The following SIPA1L2 variants were observed in gnomAD, a reference collection of about 807,000 sequenced individuals.
SIPA1L2 encodes the protein signal-induced proliferation-associated 1-like protein 2.
In SIPA1L2, 56 loss-of-function variants were observed where a neutral mutation model predicts 163.9. That is an observed-to-expected ratio of 0.34 (90% CI 0.28 to 0.43). The LOEUF (loss-of-function observed/expected upper bound fraction) is 0.43. SIPA1L2 is among the 20% of genes least tolerant of loss of function. SIPA1L2 has a pLI of 1.00. For synonymous variants in SIPA1L2, 877 were observed against 865.7 expected (o/e 1.01, Z -0.23); for missense variants, 1,974 against 2,193.5 (o/e 0.90, Z 2.00).
At chr1:232,622,030 A>G (rs1302993838) in intron 1 of SIPA1L2, among the ~76,000 whole-genome samples, 1 of 152,230 alleles carries the variant, frequency 6.6e-6, no homozygotes, top group Non-Finnish European at 1.5e-5. Context: ...GCCCAAATTA[A>G]AACATTTTAA....
intron 2 of SIPA1L2, among the ~76,000 whole-genome samples, chr1:232,520,961 A>G (rs1238391960): frequency 6.6e-6 from 1 of 152,250 alleles, no homozygotes; most frequent in Non-Finnish European, 1.5e-5. Context: ...CGAAAATCAA[A>G]GCTATAAGAC....
chr1:232,451,514 C>G (rs1663572898), intron 10 of SIPA1L2, among the ~76,000 whole-genome samples: 1 of 152,150 alleles, frequency 6.6e-6, no homozygotes, highest in African/African-American at 2.4e-5. Flanking sequence ...AAAAACCTAG[C>G]ACAAAAAGAC....
chr1:232,434,522 TG>T (rs1405250821), intron 15 of SIPA1L2, among the ~76,000 whole-genome samples: 1 of 151,942 alleles, frequency 6.6e-6, no homozygotes, highest in Non-Finnish European at 1.5e-5. Context: ...TCCACACACA[TG>T]GAACACCAGG....
intron 2 of SIPA1L2, among the ~76,000 whole-genome samples, chr1:232,532,260 C>T (rs895968513): frequency 1.2e-4 from 19 of 152,022 alleles, no homozygotes; most frequent in African/African-American, 4.3e-4. Context: ...AGCAGGAGAA[C>T]AAGAAAAGTC....
intron 6 of SIPA1L2, among the ~76,000 whole-genome samples, chr1:232,482,918 G>A (rs1174388724): frequency 2.6e-5 from 4 of 152,188 alleles, no homozygotes; most frequent in African/African-American, 4.8e-5. Flanking sequence ...GATCCTCCAA[G>A]TTTAGACTAT....
intron 2 of SIPA1L2, among the ~76,000 whole-genome samples, chr1:232,553,844 G>A (rs1195041088): frequency 6.6e-6 from 1 of 152,120 alleles, no homozygotes; most frequent in Non-Finnish European, 1.5e-5. Context: ...TTACAGAGGT[G>A]AGCCATCTGT....
chr1:232,524,102 T>C (rs1667579310), intron 2 of SIPA1L2, among the ~76,000 whole-genome samples: 1 of 152,184 alleles, frequency 6.6e-6, no homozygotes, highest in South Asian at 2.1e-4. Flanking sequence ...TTTTATGTGG[T>C]TTATTGTCTG....
Position 232,445,649 on chromosome 1 carries a change from G to C in SIPA1L2, c.3233C>G (p.Ser1078Cys). 6.2e-7 allele frequency: 1 copy of C among 1,613,870 alleles called. No individual in the cohort carries two copies. The highest frequency in any genetic ancestry group is 8.5e-7 in the Non-Finnish European group (1 of 1,179,940). ...RVPTPALQPL[S>C]RASPIPGTPD... is the part of the protein sequence containing the mutation. Reference sequence around the variant, plus strand: ...CGTGCCGGGGATGGGGGAAGCTCTAGAGAGGGGCTGCAGGGCAGGAGTGGG... The same window carrying C: ...CGTGCCGGGGATGGGGGAAGCTCTACAGAGGGGCTGCAGGGCAGGAGTGGG... Residue 1078 changes from serine to cysteine, a missense_variant, in exon 11 of 23, where the codon TCT (serine) becomes TGT (cysteine). This residue lies in a region of SIPA1L2 where 1,079 missense variants were observed against 1,150.7 expected (regional missense o/e 0.94). Coordinates refer to ENST00000674635, the MANE Select transcript of SIPA1L2 (RefSeq NM_020808.5).
chr1:232,546,508 G>T (rs774729330), intron 2 of SIPA1L2, among the ~76,000 whole-genome samples: 11 of 152,190 alleles, frequency 7.2e-5, no homozygotes, highest in Non-Finnish European at 1.5e-4. Flanking sequence ...GGCATACAGG[G>T]TATCAGACAA....
intron 15 of SIPA1L2, among the ~76,000 whole-genome samples, chr1:232,437,993 T>C (rs989421704): frequency 1.3e-5 from 2 of 152,042 alleles, no homozygotes; most frequent in Non-Finnish European, 2.9e-5. Context: ...CTTGAAGTGC[T>C]AGACTTGTTG....
chr1:232,508,264 C>T (rs771689931), intron 3 of SIPA1L2, among the ~76,000 whole-genome samples: 1 of 152,194 alleles, frequency 6.6e-6, no homozygotes, highest in Non-Finnish European at 1.5e-5. Flanking sequence ...TTTAACCTCT[C>T]TTTACCCAAA....
At chr1:232,424,645 C>CT (rs1368740106) in intron 18 of SIPA1L2, among the ~76,000 whole-genome samples, 1 of 152,066 alleles carries the variant, frequency 6.6e-6, no homozygotes. Flanking sequence ...TAAATGGACT[C>CT]TTTATAACAG....
intron 2 of SIPA1L2, among the ~76,000 whole-genome samples, chr1:232,518,996 A>C (rs1169031819): frequency 5.9e-5 from 9 of 151,500 alleles, no homozygotes; most frequent in African/African-American, 2.2e-4. Flanking sequence ...CATTTGATAT[A>C]ACTTTGTAGA....
intron 1 of SIPA1L2, among the ~76,000 whole-genome samples, chr1:232,581,038 A>G (rs1660343858): frequency 6.6e-6 from 1 of 152,072 alleles, no homozygotes; most frequent in Non-Finnish European, 1.5e-5. Context: ...ATCCTTCCTG[A>G]CAAATCTCCT....
At chr1:232,412,179 T>TAAA in intron 19 of SIPA1L2, among the ~76,000 whole-genome samples, 1 of 152,206 alleles carries the variant, frequency 6.6e-6, no homozygotes, top group South Asian at 2.1e-4. Flanking sequence ...CTTTAGCCCT[T>TAAA]AAATGAAGGT....
At chr1:232,541,852 T>C (rs61825382) in intron 2 of SIPA1L2, among the ~76,000 whole-genome samples, 1 of 41,680 alleles carries the variant, frequency 2.4e-5, no homozygotes, top group Non-Finnish European at 4.3e-5. Flanking sequence ...ATCCTACAGA[T>C]TTAAAAAAAA....
At chr1:232,608,067 A>AAAAAAAAAAAAAG (rs1662051555) in intron 1 of SIPA1L2, among the ~76,000 whole-genome samples, 1 of 149,376 alleles carries the variant, frequency 6.7e-6, no homozygotes, top group Non-Finnish European at 1.5e-5. Context: ...AAAAAAAAAA[A>AAAAAAAAAAAAAG]AACGAGTCTT....
chr1:232,514,475 T>A lies in SIPA1L2; in HGVS notation c.865A>T (p.Thr289Ser). 7 of 1,614,214 alleles carry A rather than the reference T, an allele frequency of 4.3e-6. No homozygotes were observed. The highest frequency in any genetic ancestry group is 5.1e-6 in the Non-Finnish European group (6 of 1,180,046). ...GTTCGAAGCTTTCGGAAGAGAGATG[T>A]TTCCACCGACTCTGATTTCAACCTC... Reference protein sequence around the residue: ...KRRLKSESVETSLFRKLRTVK... With the variant: ...KRRLKSESVESSLFRKLRTVK... Residue 289 changes from threonine to serine, a missense_variant, in exon 3 of 23, where the codon ACA becomes TCA. Thr to Ser is a moderately conservative substitution (Grantham distance 58, BLOSUM62 1). Around this residue, in one of 3 missense-constraint regions of SIPA1L2, gnomAD observed 607 missense variants for 624.0 expected, o/e 0.97. Transcript: ENST00000674635.
chr1:232,460,859 A>G, intron 10 of SIPA1L2, 28 bp downstream of exon 10: 1 of 1,602,504 alleles, frequency 6.2e-7, no homozygotes, highest in Non-Finnish European at 8.5e-7. Context: ...AGGAGGAGTG[A>G]GCATTACTTG....
Sources: gnomAD v4.1 joint callset for allele counts (sites outside exome capture counted in the v4.1 genomes callset) on GRCh38, gnomAD v4.1.1 for gene constraint, gnomAD v4.1.1 regional missense constraint, MANE v1.5 for transcripts, NCBI Gene and HGNC (gene_info 2026-07-23, HGNC 2026-07-21) for gene names.